Variants in AGAP1 observed in about 807,000 individuals in gnomAD.
AGAP1 encodes the protein arf-GAP with GTPase, ANK repeat and PH domain-containing protein 1.
Under a neutral mutation model 105.3 loss-of-function variants are expected in AGAP1, and 29 were observed. The observed-to-expected ratio is 0.28, with a 90% CI of 0.21 to 0.38. AGAP1 has a LOEUF of 0.38. AGAP1 is among the 10% of genes least tolerant of loss of function. AGAP1 has a pLI of 1.00. For synonymous variants in AGAP1, 509 were observed against 485.9 expected (o/e 1.05, Z -0.63); for missense variants, 998 against 1,165.1 (o/e 0.86, Z 2.09).
chr2:235,749,164 C>T (rs1953212473), intron 5 of AGAP1, among the ~76,000 whole-genome samples: 3 of 151,720 alleles, frequency 2.0e-5, no homozygotes, highest in African/African-American at 7.3e-5. Flanking sequence ...AGCCAGCTCA[C>T]GCCACTGTAC....
chr2:235,926,493 T>C (rs1240586669), intron 11 of AGAP1, among the ~76,000 whole-genome samples: 1 of 152,236 alleles, frequency 6.6e-6, no homozygotes, highest in African/African-American at 2.4e-5. Flanking sequence ...TGCATTTACG[T>C]TGAAAGGCAG....
At chr2:236,103,004 G>GCCCACCC (rs1006333818) in intron 16 of AGAP1, among the ~76,000 whole-genome samples, 1 of 47,132 alleles carries the variant, frequency 2.1e-5, no homozygotes, top group African/African-American at 1.0e-4. Flanking sequence ...CGGGGTTTCT[G>GCCCACCC]CCCACCCCCC....
intron 1 of AGAP1, among the ~76,000 whole-genome samples, chr2:235,656,090 A>T (rs1947762314): frequency 6.6e-6 from 1 of 152,222 alleles, no homozygotes; most frequent in South Asian, 2.1e-4. Context: ...CACCAGGAAG[A>T]CTGCAGCCCC....
chr2:235,812,319 G>A (rs1027637278), intron 9 of AGAP1, among the ~76,000 whole-genome samples: 10 of 152,226 alleles, frequency 6.6e-5, no homozygotes. Flanking sequence ...GCCTGCCCGG[G>A]GCAAGCCCGC....
At chr2:235,921,396 G>A (rs955977536) in intron 11 of AGAP1, among the ~76,000 whole-genome samples, 9 of 152,322 alleles carry the variant, frequency 5.9e-5, no homozygotes, top group Non-Finnish European at 1.0e-4. Context: ...TCTGTTAGAC[G>A]AGATTTTGGT....
Position 236,083,945 on chromosome 2 carries a change from T to C in AGAP1, c.2114+34664T>C, listed in dbSNP as rs868033181. On this transcript the variant is annotated intron_variant, in intron 16 of 17. Transcript: ENST00000304032. This position sits in a 1 kb window ranked among gnomAD's most constrained non-coding sequence, Gnocchi z 5.3. Reference sequence around the variant, plus strand: ...CACACATATGCACACACCAAGGTTCTAGATGAGAAGGAACAGAGGGATCCA... The same window carrying C: ...CACACATATGCACACACCAAGGTTCCAGATGAGAAGGAACAGAGGGATCCA... Among the ~76,000 whole-genome samples the C allele has an allele frequency of 3.3e-5, 5 of 152,096 alleles. No individual in the cohort carries two copies. Among genetic ancestry groups the C allele is most frequent in the African/African-American group, 1.2e-4 (5 of 41,418 alleles).
intron 9 of AGAP1, chr2:235,852,721 C>T (rs2048524998): frequency 1.3e-6 from 2 of 1,533,226 alleles, no homozygotes; most frequent in African/African-American, 1.4e-5. Context: ...TGACAGCCAG[C>T]ACTTATCTCA....
At chr2:235,681,509 G>C (rs918434179) in intron 1 of AGAP1, among the ~76,000 whole-genome samples, 1 of 152,084 alleles carries the variant, frequency 6.6e-6, no homozygotes, top group South Asian at 2.1e-4. Context: ...GCCGACAGGT[G>C]GACAGCCAGA....
intron 6 of AGAP1, among the ~76,000 whole-genome samples, chr2:235,779,295 C>G (rs999612310): frequency 6.6e-6 from 1 of 152,198 alleles, no homozygotes; most frequent in Non-Finnish European, 1.5e-5. Context: ...CACACAGTCT[C>G]CAACCTAACG....
Position 236,044,105 on chromosome 2 carries a change from G to A in AGAP1, c.1891+3264G>A, listed in dbSNP as rs930347736. Among the ~76,000 whole-genome samples, 4 of 150,330 alleles carry A rather than the reference G, an allele frequency of 2.7e-5. No homozygotes were observed. Among genetic ancestry groups the A allele is most frequent in the African/African-American group, 7.3e-5 (3 of 41,286 alleles). Reference sequence around the variant, plus strand: ...CTTTGGGGGTGCCTGTCTATAAAGGGATTCTGAGAGCCAGTGAATTTGGGA... The same window carrying A: ...CTTTGGGGGTGCCTGTCTATAAAGGAATTCTGAGAGCCAGTGAATTTGGGA... On this transcript the variant is annotated intron_variant, in intron 15 of 17. Coordinates refer to ENST00000304032, the MANE Select transcript of AGAP1 (RefSeq NM_001037131.3). This position sits in a 1 kb window ranked among gnomAD's most constrained non-coding sequence, Gnocchi z 5.7.
rs1043820903 is a variant in AGAP1 at position 235,964,330 on chromosome 2, G to C, written c.1484-4132G>C. Among the ~76,000 whole-genome samples, 4 of 152,080 alleles carry C rather than the reference G, an allele frequency of 2.6e-5. No individual in the cohort carries two copies. Among genetic ancestry groups the C allele is most frequent in the Admixed American group, 6.5e-5 (1 of 15,272 alleles). On this transcript the variant is annotated intron_variant, in intron 12 of 17. Coordinates refer to ENST00000304032, the MANE Select transcript of AGAP1 (RefSeq NM_001037131.3). The surrounding 1 kb of genome is among the most constrained non-coding windows in gnomAD (Gnocchi z 4.6). ...CTGGCAGCCGAGGAGAGTTGCGTTT[G>C]CCTGTTCTGCTTATCTCCCTGCAGG...
At chr2:235,548,203 G>A (rs1943689878) in intron 1 of AGAP1, among the ~76,000 whole-genome samples, 2 of 152,212 alleles carry the variant, frequency 1.3e-5, no homozygotes, top group African/African-American at 4.8e-5. Flanking sequence ...CCTTGGACTG[G>A]TAGTGACAGG....
rs777871179 is a variant in AGAP1 at position 235,736,428 on chromosome 2, T to C, written c.311-4535T>C. On this transcript the variant is annotated intron_variant, in intron 3 of 17. Coordinates refer to ENST00000304032, the MANE Select transcript of AGAP1 (RefSeq NM_001037131.3). The surrounding 1 kb of genome is among the most constrained non-coding windows in gnomAD (Gnocchi z 5.5). The stretch of plus-strand genomic sequence containing the variant: ...TGCACATCACTCATGGCAGATCCAT[T>C]ACATGGGCCATGGGCCAAGCTGTGC... Among the ~76,000 whole-genome samples, 1 of 152,152 alleles carries C rather than the reference T, an allele frequency of 6.6e-6. No individual in the cohort carries two copies. Among genetic ancestry groups the C allele is most frequent in the Non-Finnish European group, 1.5e-5 (1 of 68,018 alleles).
rs1553621044 is a variant in AGAP1, at chr2:235,749,210, T to TTA, written c.539-1144_539-1143insTA. ...GCGACACAGTGAGACTCCATCTCAT[T>TTA]AAAAAAAAAGAAAAAAAAAGCTGTC... On this transcript the variant is annotated intron_variant, in intron 5 of 17. Coordinates refer to ENST00000304032, the MANE Select transcript of AGAP1 (RefSeq NM_001037131.3). 2.4e-3 allele frequency among the ~76,000 whole-genome samples: 352 copies of TTA among 148,860 alleles called. 1 individual carries two copies. The highest frequency in any genetic ancestry group is 8.5e-3 in the African/African-American group (342 of 40,322).
At chr2:235,530,157 G>A (rs1374385763) in intron 1 of AGAP1, among the ~76,000 whole-genome samples, 1 of 152,158 alleles carries the variant, frequency 6.6e-6, no homozygotes, top group Non-Finnish European at 1.5e-5. Context: ...TCTTGGAGCT[G>A]CAGTTGGCCT....
chr2:235,697,891 C>T (rs771631012), intron 1 of AGAP1, among the ~76,000 whole-genome samples: 2 of 152,156 alleles, frequency 1.3e-5, no homozygotes, highest in Non-Finnish European at 2.9e-5. Context: ...AAAATGTTCT[C>T]GTGTCTATCA....
Position 236,090,525 on chromosome 2 carries a change from C to T in AGAP1, c.2115-29667C>T, listed in dbSNP as rs1249088930. ...GGGAACAGAGGCATGGAAAAGCAAA[C>T]GGGCTTTGCCAAGCGAGTGAGAGGC... On this transcript the variant is annotated intron_variant, in intron 16 of 17. Coordinates refer to ENST00000304032, the MANE Select transcript of AGAP1 (RefSeq NM_001037131.3). The surrounding 1 kb of genome is among the most constrained non-coding windows in gnomAD (Gnocchi z 4.3). 2.0e-5 allele frequency among the ~76,000 whole-genome samples: 3 copies of T among 152,134 alleles called. No homozygotes were observed. The highest frequency in any genetic ancestry group is 4.8e-5 in the African/African-American group (2 of 41,414).
At chr2:235,572,580 C>T (rs1944564322) in intron 1 of AGAP1, among the ~76,000 whole-genome samples, 1 of 152,166 alleles carries the variant, frequency 6.6e-6, no homozygotes, top group Admixed American at 6.5e-5. Flanking sequence ...CTCTGAAGTC[C>T]CTCCTATAGG....
chr2:235,608,428 C>T lies in AGAP1; in HGVS notation c.164-100751C>T, dbSNP rs540609934. Among the ~76,000 whole-genome samples, 2 of 152,176 alleles carry T rather than the reference C, an allele frequency of 1.3e-5. No individual in the cohort carries two copies. The highest frequency in any genetic ancestry group is 2.4e-5 in the African/African-American group (1 of 41,434). ...GGATGGGGCCTTCAGGAGGTGGAGC[C>T]GCCCCAGGCCATGGAGACCTGGAGA... On this transcript the variant is annotated intron_variant, in intron 1 of 17. Coordinates refer to ENST00000304032, the MANE Select transcript of AGAP1 (RefSeq NM_001037131.3). This position sits in a 1 kb window ranked among gnomAD's most constrained non-coding sequence, Gnocchi z 5.4.
Sources: allele counts gnomAD v4.1 joint callset (sites outside exome capture counted in the v4.1 genomes callset), GRCh38; gene constraint gnomAD v4.1.1; non-coding constraint Gnocchi (gnomAD v3.1); transcripts MANE v1.5; gene names NCBI Gene and HGNC (gene_info 2026-07-23, HGNC 2026-07-21).